Variants in AKAP8L observed in about 807,000 individuals in gnomAD.
AKAP8L encodes the protein A-kinase anchor protein 8-like.
A neutral mutation model predicts 77.5 loss-of-function variants in AKAP8L; 34 were observed. That is an observed-to-expected ratio of 0.44 (90% CI 0.33 to 0.58). The LOEUF (loss-of-function observed/expected upper bound fraction) is 0.58, where lower values mean the gene tolerates loss of function less well. Ranked by LOEUF, AKAP8L falls within the 20% of genes least tolerant of loss-of-function variation. The pLI, the probability that AKAP8L is intolerant of heterozygous loss-of-function variation, is 0.02. For synonymous variants in AKAP8L, 342 were observed against 340.7 expected, an observed-to-expected ratio of 1.00 and a Z score of -0.04; for missense variants, 806 against 887.6, an observed-to-expected ratio of 0.91 and a Z score of 1.17.
At chr19:15,411,803 A>C (rs569298248) in intron 1 of AKAP8L, among the ~76,000 whole-genome samples, 1 of 152,174 alleles carries the variant, frequency 6.6e-6, no homozygotes, top group South Asian at 2.1e-4. Flanking sequence ...CTGTACTCAC[A>C]GTACTTTGGG....
chr19:15,380,682 C>G, intron 12 of AKAP8L, 70 bp from the exon 13 acceptor site: 1 of 1,486,756 alleles, frequency 6.7e-7, no homozygotes, highest in Non-Finnish European at 9.3e-7. Flanking sequence ...CCGACCCTGC[C>G]AGCTTAGAGG....
rs375137188 is a variant in AKAP8L at position 15,397,837 on chromosome 19, A to G, written c.1176T>C (p.Ser392=). 392 of 1,613,932 alleles carry G rather than the reference A, an allele frequency of 2.4e-4. No homozygotes were observed. The African/African-American group carries it at 4.8e-3, about 20-fold the overall frequency. ...RMVERIQFVC[S]LCKYRTFYED... ...CATAGAAGGTCCGGTATTTGCACAG[A>G]GAACACACAAACTGGATCCTGCCAC... Residue 392 remains serine (S), a synonymous_variant, in exon 10 of 14, where the codon TCT becomes TCC. Coordinates refer to ENST00000397410, the MANE Select transcript of AKAP8L (RefSeq NM_014371.4). The surrounding 1 kb of genome is among the most constrained non-coding windows in gnomAD (Gnocchi z 4.7).
chr19:15,400,350 C>G lies in AKAP8L; in HGVS notation c.993G>C (p.Glu331Asp). 1.9e-6 allele frequency: 3 copies of G among 1,613,624 alleles called. No homozygotes were observed. The highest frequency in any genetic ancestry group is 2.5e-6 in the Non-Finnish European group (3 of 1,179,772). Residue 331 changes from glutamate (E) to aspartate (D), a missense_variant, in exon 8 of 14, where the codon GAG becomes GAC. Glu to Asp is a conservative substitution (Grantham distance 45). Coordinates refer to ENST00000397410, the MANE Select transcript of AKAP8L (RefSeq NM_014371.4). ...AVEKGSRVDG[E>D]DEEGKEDGRE... ...TCCCATCCTCTTTTCCCTCCTCATC[C>G]TCTCCGTCCTAACAATTTCAAATTC...
chr19:15,405,248 A>C (rs1287334495), intron 2 of AKAP8L, among the ~76,000 whole-genome samples: 1 of 152,214 alleles, frequency 6.6e-6, no homozygotes, highest in African/African-American at 2.4e-5. Flanking sequence ...AGAAAAACAC[A>C]CAAGGCTGGG....
In AKAP8L at chr19:15,397,692, G is replaced by A; in HGVS notation, c.1299+22C>T. The A allele has an allele frequency of 6.2e-7, 1 of 1,613,966 alleles. No individual in the cohort carries two copies. The highest frequency in any genetic ancestry group is 8.5e-7 in the Non-Finnish European group (1 of 1,179,876). On this transcript the variant is annotated intron_variant, in intron 10 of 13. Coordinates refer to ENST00000397410, the MANE Select transcript of AKAP8L (RefSeq NM_014371.4). The surrounding 1 kb of genome is among the most constrained non-coding windows in gnomAD (Gnocchi z 4.7). ...TCAGGGGTCCAAGAAACTAAGAGCG[G>A]CTGTGTTACTCCAAGGCTCACCTGC...
At position 15,412,958 on chromosome 19, in the gene AKAP8L, T is replaced by C. The variant is rs529296062; in HGVS notation, c.14-2364A>G. On this transcript the variant is annotated intron_variant, in intron 1 of 13. Transcript: ENST00000397410. ...CTCATGACCTGAAAATTAAAGCCTA[T>C]GCCTTTAACAGCTTGTTTACATCAA... Among the ~76,000 whole-genome samples, 8 of 152,362 alleles carry C rather than the reference T, an allele frequency of 5.3e-5. No homozygotes were observed. In the South Asian group the frequency reaches 1.4e-3, roughly 28 times the overall value.
At chr19:15,400,684 C>T in intron 7 of AKAP8L, 110 bp downstream of exon 7, 1 of 1,311,590 alleles carries the variant, frequency 7.6e-7, no homozygotes. Flanking sequence ...TGCTGGTCAC[C>T]ATGCACGCAG....
chr19:15,385,100 C>T (rs986388408), intron 12 of AKAP8L, among the ~76,000 whole-genome samples: 1 of 152,168 alleles, frequency 6.6e-6, no homozygotes, highest in Non-Finnish European at 1.5e-5. Context: ...GCCTCAGCCT[C>T]CCAAGTAGCT....
chr19:15,408,279 T>A (rs1368176856), intron 2 of AKAP8L, among the ~76,000 whole-genome samples: 1 of 150,062 alleles, frequency 6.7e-6, no homozygotes, highest in Non-Finnish European at 1.5e-5. Context: ...ATAGAGAAAA[T>A]ATAGGCCTGG....
intron 12 of AKAP8L, among the ~76,000 whole-genome samples, chr19:15,392,375 A>T (rs1039246115): frequency 6.6e-6 from 1 of 152,068 alleles, no homozygotes; most frequent in Non-Finnish European, 1.5e-5. Flanking sequence ...ACATGCCTGT[A>T]GTCCCAGCTA....
chr19:15,418,343 C>T (rs1968250597), intron 1 of AKAP8L, among the ~76,000 whole-genome samples: 1 of 152,216 alleles, frequency 6.6e-6, no homozygotes, highest in South Asian at 2.1e-4. Context: ...GCAGTTCAGC[C>T]CCTAGGGGCC....
In AKAP8L at chr19:15,397,543, T is replaced by G; in HGVS notation, c.1382A>C (p.Tyr461Ser). 6.2e-7 allele frequency: 1 copy of G among 1,613,520 alleles called. No homozygotes were observed. Among genetic ancestry groups the G allele is most frequent in the South Asian group, 1.1e-5 (1 of 91,060 alleles). ...ACCCTGGGTCAGATCCTGGTCTCTGTAGATTTGCTGGATGAGGCCATCAAG... is the reference window on the plus strand; with the variant it reads ...ACCCTGGGTCAGATCCTGGTCTCTGGAGATTTGCTGGATGAGGCCATCAAG... ...EDLDGLIQQI[Y>S]RDQDLTQEIA... is the part of the protein sequence containing the mutation. The change falls in exon 11 of 14, where the codon TAC (tyrosine) becomes TCC (serine). Residue 461 changes from tyrosine (Y) to serine (S), a missense_variant. Tyr to Ser is a moderately radical substitution (Grantham distance 144, BLOSUM62 -2). This residue lies in a region of AKAP8L where 580 missense variants were observed against 694.1 expected (regional missense o/e 0.84). Coordinates refer to ENST00000397410, the MANE Select transcript of AKAP8L (RefSeq NM_014371.4). The surrounding 1 kb of genome is among the most constrained non-coding windows in gnomAD (Gnocchi z 4.7).
intron 2 of AKAP8L, among the ~76,000 whole-genome samples, chr19:15,406,362 G>GGCGA (rs1555700853): frequency 1.1e-5 from 1 of 89,380 alleles, no homozygotes; most frequent in Non-Finnish European, 2.1e-5. Context: ...GAAATTTTAA[G>GGCGA]GAGAGAGAGA....
chr19:15,416,477 T>C (rs1968209884), intron 1 of AKAP8L, among the ~76,000 whole-genome samples: 1 of 152,216 alleles, frequency 6.6e-6, no homozygotes, highest in African/African-American at 2.4e-5. Flanking sequence ...CCAAGAATTA[T>C]TGGCCAGCAT....
In AKAP8L at chr19:15,396,504, GCT is replaced by G. The variant is rs150282702; in HGVS notation, c.1536+644_1536+645del. ...ATGCCGCACAACACACTTCCCTACT[GCT>G]CCCTGCTCCCTGACAATCTTGGCAG... On this transcript the variant is annotated intron_variant, in intron 12 of 13. Coordinates refer to ENST00000397410, the MANE Select transcript of AKAP8L (RefSeq NM_014371.4). 2.0e-3 allele frequency among the ~76,000 whole-genome samples: 307 copies of G among 152,200 alleles called. 1 individual carries two copies. Among genetic ancestry groups the G allele is most frequent in the African/African-American group, 7.0e-3 (289 of 41,518 alleles).
At chr19:15,402,295 C>G in intron 4 of AKAP8L, among the ~76,000 whole-genome samples, 1 of 152,138 alleles carries the variant, frequency 6.6e-6, no homozygotes, top group Non-Finnish European at 1.5e-5. Context: ...CAGAGGGCAC[C>G]GCAGAGAGCT....
intron 4 of AKAP8L, among the ~76,000 whole-genome samples, chr19:15,402,314 C>T (rs144961643): frequency 6.6e-6 from 1 of 152,268 alleles, no homozygotes; most frequent in South Asian, 2.1e-4. Flanking sequence ...CTCTTTTAAC[C>T]GTGACTGCAG....
Position 15,392,871 on chromosome 19 carries a change from G to A in AKAP8L, c.1536+4279C>T, listed in dbSNP as rs1414489301. On this transcript the variant is annotated intron_variant, in intron 12 of 13. Transcript: ENST00000397410. The stretch of plus-strand genomic sequence containing the variant: ...AGATGGCACCACTGCATTCCAGCCT[G>A]GGCAACAAGAGCAAAACTCTGTCTC... Among the ~76,000 whole-genome samples, 3 of 49,842 alleles carry A rather than the reference G, an allele frequency of 6.0e-5. No individual in the cohort carries two copies. In the Admixed American group the frequency reaches 9.6e-4, roughly 16 times the overall value. 32.7% of individuals were successfully genotyped at this position (49,842 alleles called of 152,430 possible). A position where few individuals can be genotyped will look rare whatever the true frequency, so the allele number is the denominator to read the frequency against.
At chr19:15,384,962 C>T (rs931130022) in intron 12 of AKAP8L, among the ~76,000 whole-genome samples, 1 of 151,980 alleles carries the variant, frequency 6.6e-6, no homozygotes, top group African/African-American at 2.4e-5. Flanking sequence ...GCTCCGCCTC[C>T]CAGGTTCATG....
Sources: gnomAD v4.1 joint callset for allele counts (sites outside exome capture counted in the v4.1 genomes callset) on GRCh38, gnomAD v4.1.1 for gene constraint, gnomAD v4.1.1 regional missense constraint, Gnocchi (gnomAD v3.1) non-coding constraint, MANE v1.5 for transcripts, NCBI Gene and HGNC (gene_info 2026-07-23, HGNC 2026-07-21) for gene names.